LRP3: variants seen among roughly 807,000 people sequenced by gnomAD.
LRP3 encodes low-density lipoprotein receptor-related protein 3.
LRP3 carries 49 observed loss-of-function variants against 58.5 expected under a neutral mutation model. That is an observed-to-expected ratio of 0.84 (90% confidence interval 0.67 to 1.06). The LOEUF is 1.06. Ranked by LOEUF, LRP3 falls within the 50% of genes least tolerant of loss-of-function variation. The pLI is 0.00. For synonymous variants in LRP3, 485 were observed against 492.2 expected (o/e 0.99, Z 0.20); for missense variants, 1,019 against 1,134.2 (o/e 0.90, Z 1.46).
chr19:33,206,673 G>C lies in LRP3; in HGVS notation c.1665G>C (p.Gln555His). 1 of 1,574,824 alleles carries C rather than the reference G, an allele frequency of 6.3e-7. No homozygotes were observed. The highest frequency in any genetic ancestry group is 8.6e-7 in the Non-Finnish European group (1 of 1,161,578). Residue 555 changes from glutamine to histidine, a missense_variant, in exon 6 of 7, where the codon CAG (glutamine) becomes CAC (histidine). Gln to His is a conservative substitution (Grantham distance 24). Around this residue, in one of 2 missense-constraint regions of LRP3, gnomAD observed 427 missense variants for 408.6 expected, o/e 1.04. Coordinates refer to ENST00000253193, the MANE Select transcript of LRP3 (RefSeq NM_002333.4). ...VRREAPPSYGQLIAQGLIPPV... is the reference protein window; with the variant it reads ...VRREAPPSYGHLIAQGLIPPV... ...GGGAGGCACCCCCATCCTATGGTCA[G>C]CTCATCGCCCAGGGCCTCATTCCAC...
At chr19:33,204,131 A>C in intron 3 of LRP3, 3 of 162,290 alleles carry the variant, frequency 1.8e-5, no homozygotes, top group African/African-American at 2.4e-5. Context: ...GGGCCAGTGT[A>C]TCTCCGGAGA....
chr19:33,194,716 G>C lies in LRP3; in HGVS notation c.-70G>C, dbSNP rs1395722694. ...CCGAGCCGCAGCCAGAGCCAGAGCCGGAGCCGCAGCCGGAACCGGAGCCGG... is the reference window on the plus strand; with the variant it reads ...CCGAGCCGCAGCCAGAGCCAGAGCCCGAGCCGCAGCCGGAACCGGAGCCGG... On this transcript the variant is annotated 5_prime_UTR_variant, in exon 1 of 7. Coordinates refer to ENST00000253193, the MANE Select transcript of LRP3 (RefSeq NM_002333.4). 1 of 478,564 alleles carries C rather than the reference G, an allele frequency of 2.1e-6. No homozygotes were observed. Among genetic ancestry groups the C allele is most frequent in the Non-Finnish European group, 2.7e-6 (1 of 367,096 alleles). 29.6% of individuals were successfully genotyped at this position (478,564 alleles called of 1,614,324 possible). A position where few individuals can be genotyped will look rare whatever the true frequency, so the allele number is the denominator to read the frequency against.
In LRP3 at chr19:33,194,675, TAGCCCGAGCCCG is replaced by T. The variant is rs925648791; in HGVS notation, c.-100_-89del. 1.9e-5 allele frequency: 4 copies of T among 211,294 alleles called. No individual in the cohort carries two copies. The Admixed American group carries it at 2.4e-4, about 12-fold the overall frequency. The allele number at this position is 211,294 out of a possible 1,614,324, so 13.1% of individuals were successfully genotyped here. A position where few individuals can be genotyped will look rare whatever the true frequency, so the allele number is the denominator to read the frequency against. ...GCCACGCCAGCCGGAGCCCGAGCCC[TAGCCCGAGCCCG>T]AGCCCGAGCCGCAGCCAGAGCCAGA... On this transcript the variant is annotated 5_prime_UTR_variant, in exon 1 of 7. Coordinates refer to ENST00000253193, the MANE Select transcript of LRP3 (RefSeq NM_002333.4).
At chr19:33,198,573 C>T (rs1974309075) in intron 2 of LRP3, among the ~76,000 whole-genome samples, 1 of 152,236 alleles carries the variant, frequency 6.6e-6, no homozygotes, top group Non-Finnish European at 1.5e-5. Context: ...AACATTCCCC[C>T]AGCCCCTTCT....
At chr19:33,198,155 G>GC (rs1223469914) in intron 2 of LRP3, among the ~76,000 whole-genome samples, 1 of 152,212 alleles carries the variant, frequency 6.6e-6, no homozygotes, top group African/African-American at 2.4e-5. Context: ...ACACCCTCCT[G>GC]CTGGTGGGTG....
intron 2 of LRP3, among the ~76,000 whole-genome samples, chr19:33,200,055 G>A (rs1334957466): frequency 2.0e-5 from 3 of 152,140 alleles, no homozygotes; most frequent in South Asian, 4.1e-4. Flanking sequence ...GCAAAAAGGT[G>A]AACATGGGAG....
In LRP3 at chr19:33,205,568, C is replaced by T. The variant is rs1599937314; in HGVS notation, c.798C>T (p.Ala266=). Reference sequence around the variant, plus strand: ...TGGGCAGCTTCTACGGCTCCTTTGCCTCCCCAGACCTGTTCGGCGCCGCTC... The same window carrying T: ...TGGGCAGCTTCTACGGCTCCTTTGCTTCCCCAGACCTGTTCGGCGCCGCTC... ...RRLGSFYGSF[A]SPDLFGAARG... is the part of the protein sequence containing the mutation. Residue 266 remains alanine (A), a synonymous_variant, in exon 5 of 7, where the codon GCC becomes GCT. Transcript: ENST00000253193. The T allele has an allele frequency of 1.2e-6, 2 of 1,604,636 alleles. No homozygotes were observed. Among genetic ancestry groups the T allele is most frequent in the East Asian group, 2.2e-5 (1 of 44,662 alleles).
Position 33,207,124 on chromosome 19 carries a change from A to G in LRP3, c.1862A>G (p.Gln621Arg), listed in dbSNP as rs1242093376. ...CACCGGCCGCGGGCGCCCCGAGGCC[A>G]GATCCCACTGCTGACCGCAGCACGC... is the stretch of plus-strand genomic sequence containing the variant. Reference protein sequence around the residue: ...LFHRPRAPRGQIPLLTAARPS... With the variant: ...LFHRPRAPRGRIPLLTAARPS... Residue 621 changes from glutamine to arginine, a missense_variant, in exon 7 of 7, where the codon CAG becomes CGG. Gln to Arg is a conservative substitution (Grantham distance 43). Around this residue, in one of 2 missense-constraint regions of LRP3, gnomAD observed 427 missense variants for 408.6 expected, o/e 1.04. Transcript: ENST00000253193. 1 of 1,530,796 alleles carries G rather than the reference A, an allele frequency of 6.5e-7. No homozygotes were observed. Among genetic ancestry groups the G allele is most frequent in the African/African-American group, 1.4e-5 (1 of 72,276 alleles). 94.8% of individuals were successfully genotyped at this position (1,530,796 alleles called of 1,614,324 possible).
At position 33,207,750 on chromosome 19, in the gene LRP3, G is replaced by GC. The variant is rs1974443140; in HGVS notation, c.*175_*176insC. 2.0e-6 allele frequency: 1 copy of GC among 508,144 alleles called. No homozygotes were observed. The highest frequency in any genetic ancestry group is 2.9e-5 in the African/African-American group (1 of 34,286). The allele number at this position is 508,144 out of a possible 1,614,324, so 31.5% of individuals were successfully genotyped here. On this transcript the variant is annotated 3_prime_UTR_variant, in exon 7 of 7. Coordinates refer to ENST00000253193, the MANE Select transcript of LRP3 (RefSeq NM_002333.4). Reference sequence around the variant, plus strand: ...GTGGGCGGGAGCTGTGGGACTGAACGGCGGGGGGGAGAAGAGTGGAGTGGT... The same window carrying GC: ...GTGGGCGGGAGCTGTGGGACTGAACGCGCGGGGGGGAGAAGAGTGGAGTGGT...
chr19:33,204,543 T>C, intron 3 of LRP3, 95 bp from the exon 4 acceptor site: 1 of 887,220 alleles, frequency 1.1e-6, no homozygotes, highest in Non-Finnish European at 1.8e-6. Flanking sequence ...CTGGCTGTCC[T>C]GGCCGTGGCT....
At chr19:33,203,035 A>G (rs200829963) in intron 3 of LRP3, 49 bp downstream of exon 3, 2 of 1,595,358 alleles carry the variant, frequency 1.3e-6, no homozygotes, top group Non-Finnish European at 1.7e-6. Flanking sequence ...GCCCACGTGC[A>G]TGGGGTGGGT....
At position 33,205,674 on chromosome 19, in the gene LRP3, C is replaced by T. The variant is rs759150777; in HGVS notation, c.904C>T (p.Leu302=). ...GGTGCTGCTGCAGCTGGAACTGCGG[C>T]TGGGCTATGACGACTACGTGCAGGT... ...RRVLLQLELR[L]GYDDYVQVYE... Residue 302 remains leucine (L), a synonymous_variant, in exon 5 of 7, where the codon CTG becomes TTG. Coordinates refer to ENST00000253193, the MANE Select transcript of LRP3 (RefSeq NM_002333.4). 39 of 1,608,360 alleles carry T rather than the reference C, an allele frequency of 2.4e-5. No individual in the cohort carries two copies. Among genetic ancestry groups the T allele is most frequent in the Non-Finnish European group, 3.2e-5 (38 of 1,179,420 alleles).
intron 1 of LRP3, among the ~76,000 whole-genome samples, chr19:33,196,506 T>C (rs527590011): frequency 6.6e-6 from 1 of 152,324 alleles, no homozygotes; most frequent in East Asian, 1.9e-4. Context: ...TGCAGTGAGC[T>C]ATGCACTCCA....
chr19:33,205,045 C>T, intron 4 of LRP3, 193 bp downstream of exon 4: 2 of 739,794 alleles, frequency 2.7e-6, no homozygotes, highest in South Asian at 1.8e-5. Flanking sequence ...GTCACTGGCC[C>T]CACTTCCCAG....
At position 33,207,449 on chromosome 19, in the gene LRP3, G is replaced by A. The variant is rs372961349; in HGVS notation, c.2187G>A (p.Gln729=). ...GCTCAGCCCAGGACCCGCACCCCCA[G>A]GTCTCCACTGCCAGCAGCACCCTGG... ...EPCSAQDPHP[Q]VSTASSTLGP... The change falls in exon 7 of 7, where the codon CAG becomes CAA. Residue 729 remains glutamine (Q), a synonymous_variant. Coordinates refer to ENST00000253193, the MANE Select transcript of LRP3 (RefSeq NM_002333.4). The A allele has an allele frequency of 1.0e-4, 163 of 1,598,246 alleles. 1 individual carries two copies. Among genetic ancestry groups the A allele is most frequent in the Non-Finnish European group, 9.2e-5 (108 of 1,176,656 alleles).
chr19:33,200,220 G>A (rs1974327682), intron 2 of LRP3, among the ~76,000 whole-genome samples: 1 of 152,090 alleles, frequency 6.6e-6, no homozygotes, highest in Admixed American at 6.6e-5. Context: ...CTCTTCTTTT[G>A]GATTTCCTTC....
In LRP3 at chr19:33,206,370, C is replaced by T; in HGVS notation, c.1592+8C>T. ...GCGCACGCAGGAATACAGGTGGGCG[C>T]TGTGCCCGCAGCCAGGGGACCGGGC... On this transcript the variant is annotated splice_region_variant and intron_variant, in intron 5 of 6. Coordinates refer to ENST00000253193, the MANE Select transcript of LRP3 (RefSeq NM_002333.4). 1 of 1,604,236 alleles carries T rather than the reference C, an allele frequency of 6.2e-7. No individual in the cohort carries two copies. Among genetic ancestry groups the T allele is most frequent in the Non-Finnish European group, 8.5e-7 (1 of 1,179,268 alleles).
chr19:33,205,192 G>A (rs751628066), intron 4 of LRP3, 54 bp from the exon 5 acceptor site: 31 of 1,564,204 alleles, frequency 2.0e-5, no homozygotes, highest in African/African-American at 5.4e-5. Context: ...CCCCCTGGCC[G>A]AAGGGAGGCT....
rs765466038 is a variant in LRP3, at chr19:33,196,724, C to T, written c.74-6C>T. ...ACCCCTGACCCTTTCTTTGTATCTC[C>T]CACAGTGAACATCTTTCTCACCGGG... On this transcript the variant is annotated splice_polypyrimidine_tract_variant and splice_region_variant and intron_variant, in intron 1 of 6. Coordinates refer to ENST00000253193, the MANE Select transcript of LRP3 (RefSeq NM_002333.4). 19 of 1,614,024 alleles carry T rather than the reference C, an allele frequency of 1.2e-5. No individual in the cohort carries two copies. The highest frequency in any genetic ancestry group is 1.2e-4 in the Admixed American group (7 of 60,012).
Sources: allele counts gnomAD v4.1 joint callset (sites outside exome capture counted in the v4.1 genomes callset), GRCh38; gene constraint gnomAD v4.1.1; regional missense constraint gnomAD v4.1.1; transcripts MANE v1.5; gene names NCBI Gene and HGNC (gene_info 2026-07-23, HGNC 2026-07-21).